The following SLC25A31 variants were observed in gnomAD, a reference collection of about 807,000 sequenced individuals.
SLC25A31 encodes ADP/ATP translocase 4.
A neutral mutation model predicts 36.2 loss-of-function variants in SLC25A31; 40 were observed. The ratio of observed to expected loss-of-function variants is 1.10; its 90% CI spans 0.86 to 1.44. SLC25A31 has a LOEUF of 1.44. Ranked by LOEUF, SLC25A31 falls within the 40% of genes most tolerant of loss-of-function variation. SLC25A31 has a pLI of 0.00. For synonymous variants in SLC25A31, 143 were observed against 149.7 expected, an observed-to-expected ratio of 0.96 and a Z score of 0.32; for missense variants, 350 against 397.1, an observed-to-expected ratio of 0.88 and a Z score of 1.01.
chr4:127,764,331 G>C lies in SLC25A31; in HGVS notation c.449G>C (p.Arg150Pro). The C allele has an allele frequency of 6.2e-7, 1 of 1,613,748 alleles. No individual in the cohort carries two copies. The highest frequency in any genetic ancestry group is 8.5e-7 in the Non-Finnish European group (1 of 1,179,818). Residue 150 changes from arginine to proline, a missense_variant, in exon 3 of 6, where the codon CGA becomes CCA. Arg to Pro is a moderately radical substitution (Grantham distance 103, BLOSUM62 -2). Transcript: ENST00000281154. The part of the protein sequence containing the change: ...LCVVYPLDFA[R>P]TRLGVDIGKG... The stretch of plus-strand genomic sequence containing the variant: ...GTAGTATATCCTCTAGATTTTGCCC[G>C]AACCCGATTAGGTGTCGATATTGGA...
chr4:127,735,876 A>ATT (rs1560630392), intron 1 of SLC25A31, among the ~76,000 whole-genome samples: 4 of 73,754 alleles, frequency 5.4e-5, no homozygotes, highest in African/African-American at 1.9e-4. Context: ...TATTTTATTT[A>ATT]TTTATTTATT....
intron 2 of SLC25A31, 99 bp downstream of exon 2, chr4:127,744,898 A>G: frequency 1.1e-6 from 1 of 951,530 alleles, no homozygotes; most frequent in Non-Finnish European, 1.4e-6. Flanking sequence ...TATCTCTAAA[A>G]TTTTCTTTAA....
At chr4:127,736,575 C>T (rs1019276170) in intron 1 of SLC25A31, among the ~76,000 whole-genome samples, 3 of 152,202 alleles carry the variant, frequency 2.0e-5, no homozygotes, top group African/African-American at 7.2e-5. Flanking sequence ...AGTGCAGTAA[C>T]TCTAGACCTC....
Position 127,773,837 on chromosome 4 carries a change from CTTT to C in SLC25A31, c.*266_*268del, listed in dbSNP as rs1036962541. 4 of 260,954 alleles carry C rather than the reference CTTT, an allele frequency of 1.5e-5. No homozygotes were observed. Among genetic ancestry groups the C allele is most frequent in the African/African-American group, 4.4e-5 (2 of 45,372 alleles). The allele number at this position is 260,954 out of a possible 1,614,324, so 16.2% of individuals were successfully genotyped here. On this transcript the variant is annotated 3_prime_UTR_variant, in exon 6 of 6. Coordinates refer to ENST00000281154, the MANE Select transcript of SLC25A31 (RefSeq NM_031291.4). ...TATTTTAATTTGTTAGTTTAAAATT[CTTT>C]TTATGATTAAAAATTAATCATATAA...
Position 127,762,826 on chromosome 4 carries a change from A to G in SLC25A31, c.361-1417A>G, listed in dbSNP as rs548254624. ...GTAGTCCCAGCTACTCAGGAGGCTG[A>G]GGCAGGAGAATGGCGTGAACCCAGG... On this transcript the variant is annotated intron_variant, in intron 2 of 5. Coordinates refer to ENST00000281154, the MANE Select transcript of SLC25A31 (RefSeq NM_031291.4). 9.7e-4 allele frequency among the ~76,000 whole-genome samples: 147 copies of G among 152,042 alleles called. 1 individual carries two copies. Among genetic ancestry groups the G allele is most frequent in the Non-Finnish European group, 1.7e-3 (117 of 67,966 alleles).
intron 2 of SLC25A31, among the ~76,000 whole-genome samples, chr4:127,750,980 A>T (rs1731920391): frequency 6.6e-6 from 1 of 152,246 alleles, no homozygotes; most frequent in East Asian, 1.9e-4. Flanking sequence ...CTCAACAGTC[A>T]GTTGCCTATA....
At chr4:127,731,296 T>C (rs1731520977) in intron 1 of SLC25A31, among the ~76,000 whole-genome samples, 2 of 152,052 alleles carry the variant, frequency 1.3e-5, no homozygotes, top group Non-Finnish European at 2.9e-5. Context: ...CTGAAACCTA[T>C]TAGTGAAAAG....
At chr4:127,745,319 T>C (rs78704563) in intron 2 of SLC25A31, among the ~76,000 whole-genome samples, 43 of 145,974 alleles carry the variant, frequency 2.9e-4, no homozygotes, top group African/African-American at 9.4e-4. Context: ...TTTTTTTTTT[T>C]CGAAGTAATT....
intron 2 of SLC25A31, among the ~76,000 whole-genome samples, chr4:127,754,161 A>G (rs1456115525): frequency 1.3e-5 from 2 of 152,154 alleles, no homozygotes; most frequent in Non-Finnish European, 2.9e-5. Flanking sequence ...ACACAAAAAA[A>G]GATCACATAT....
chr4:127,730,641 T>C lies in SLC25A31; in HGVS notation c.96T>C (p.Ala32=), dbSNP rs763593512. 3.2e-5 allele frequency: 52 copies of C among 1,613,836 alleles called. No individual in the cohort carries two copies. The South Asian group carries it at 5.2e-4, about 16-fold the overall frequency. ...KDLLAGGVAA[A]VSKTAVAPIE... is the part of the protein sequence containing the mutation. The stretch of plus-strand genomic sequence containing the variant: ...TTCTGGCCGGCGGAGTCGCGGCAGC[T>C]GTGTCCAAGACAGCGGTGGCGCCCA... The change falls in exon 1 of 6, where the codon GCT becomes GCC. Residue 32 remains alanine (A), a synonymous_variant. Transcript: ENST00000281154.
chr4:127,755,457 G>T (rs963022946), intron 2 of SLC25A31, among the ~76,000 whole-genome samples: 3 of 152,072 alleles, frequency 2.0e-5, no homozygotes, highest in Non-Finnish European at 4.4e-5. Context: ...AAAAACAAAT[G>T]ACCTGATTAG....
chr4:127,764,092 A>T, intron 2 of SLC25A31, 151 bp from the exon 3 acceptor site: 1 of 596,312 alleles, frequency 1.7e-6, no homozygotes, highest in Admixed American at 3.2e-5. Flanking sequence ...AATATTTTGG[A>T]TAGCATGGTA....
At chr4:127,751,975 T>C (rs1029922952) in intron 2 of SLC25A31, among the ~76,000 whole-genome samples, 1 of 152,228 alleles carries the variant, frequency 6.6e-6, no homozygotes, top group African/African-American at 2.4e-5. Flanking sequence ...TTGGTGGGAC[T>C]GTAAACTAGT....
chr4:127,741,889 A>G (rs764872633), intron 1 of SLC25A31, among the ~76,000 whole-genome samples: 5 of 152,154 alleles, frequency 3.3e-5, no homozygotes, highest in Non-Finnish European at 5.9e-5. Flanking sequence ...TATCAATTTC[A>G]TATATGTTAT....
intron 3 of SLC25A31, among the ~76,000 whole-genome samples, chr4:127,765,106 C>T (rs901683986): frequency 2.6e-5 from 4 of 152,064 alleles, no homozygotes; most frequent in East Asian, 1.9e-4. Context: ...GTGATTGCAG[C>T]GGTCACACAA....
intron 2 of SLC25A31, among the ~76,000 whole-genome samples, chr4:127,763,989 G>A (rs1267212449): frequency 6.6e-6 from 1 of 152,150 alleles, no homozygotes; most frequent in Non-Finnish European, 1.5e-5. Flanking sequence ...CTTTGCTGGA[G>A]AACATTAAAA....
intron 2 of SLC25A31, among the ~76,000 whole-genome samples, chr4:127,748,084 G>T (rs941988163): frequency 6.6e-6 from 1 of 152,146 alleles, no homozygotes; most frequent in Non-Finnish European, 1.5e-5. Context: ...TATCATAGGC[G>T]TGGAATGTGA....
Position 127,744,810 on chromosome 4 carries a change from T to C in SLC25A31, c.360+11T>C. ...AATAAAGAAAAACAGGTAATTATATTTTTTTTTTACTTTTTTCTTCCAATA... is the reference window on the plus strand; with the variant it reads ...AATAAAGAAAAACAGGTAATTATATCTTTTTTTTACTTTTTTCTTCCAATA... On this transcript the variant is annotated intron_variant, in intron 2 of 5. Coordinates refer to ENST00000281154, the MANE Select transcript of SLC25A31 (RefSeq NM_031291.4). The C allele has an allele frequency of 6.9e-7, 1 of 1,449,800 alleles. No homozygotes were observed. Among genetic ancestry groups the C allele is most frequent in the South Asian group, 1.5e-5 (1 of 67,796 alleles). The allele number at this position is 1,449,800 out of a possible 1,614,324, so 89.8% of individuals were successfully genotyped here. A position where few individuals can be genotyped will look rare whatever the true frequency, so the allele number is the denominator to read the frequency against.
In SLC25A31 at chr4:127,737,275, C is replaced by G. The variant is rs79479638; in HGVS notation, c.232+6498C>G. Among the ~76,000 whole-genome samples, 778 of 152,208 alleles carry G rather than the reference C, an allele frequency of 5.1e-3. 7 individuals are homozygous for G. The highest frequency in any genetic ancestry group is 0.018 in the African/African-American group (750 of 41,526). On this transcript the variant is annotated intron_variant, in intron 1 of 5. Transcript: ENST00000281154. Reference sequence around the variant, plus strand: ...TCTGACCTAACCCATTAAGAATTGCCTGCTATACTACTTTAACAGTTTTCC... The same window carrying G: ...TCTGACCTAACCCATTAAGAATTGCGTGCTATACTACTTTAACAGTTTTCC...
Sources: allele counts gnomAD v4.1 joint callset (sites outside exome capture counted in the v4.1 genomes callset), GRCh38; gene constraint gnomAD v4.1.1; transcripts MANE v1.5; gene names NCBI Gene and HGNC (gene_info 2026-07-23, HGNC 2026-07-21).